Variants in RCSD1 observed in about 807,000 individuals in gnomAD.
RCSD1 encodes RCSD domain containing 1, also known as capZ-interacting protein.
A neutral mutation model predicts 42.5 loss-of-function variants in RCSD1; 26 were observed. The observed-to-expected ratio is 0.61, with a 90% CI of 0.45 to 0.85. The LOEUF is 0.85. Ranked by LOEUF, RCSD1 falls within the 40% of genes least tolerant of loss-of-function variation. The pLI is 0.00. For synonymous variants in RCSD1, 220 were observed against 212.2 expected, an observed-to-expected ratio of 1.04 and a Z score of -0.32; for missense variants, 571 against 528.3, an observed-to-expected ratio of 1.08 and a Z score of -0.79.
At chr1:167,646,601 G>T (rs1187490943) in intron 1 of RCSD1, among the ~76,000 whole-genome samples, 6 of 151,938 alleles carry the variant, frequency 3.9e-5, no homozygotes, top group Admixed American at 2.6e-4. Flanking sequence ...TGCCATGGTG[G>T]TTTGCTGCAT....
chr1:167,630,460 G>A, intron 1 of RCSD1, 31 bp downstream of exon 1: 2 of 1,521,994 alleles, frequency 1.3e-6, no homozygotes, highest in South Asian at 2.5e-5. Context: ...ACGCGGGGCT[G>A]AGCGGTGAGC....
chr1:167,658,248 A>T (rs1658464672), intron 1 of RCSD1, among the ~76,000 whole-genome samples: 1 of 152,230 alleles, frequency 6.6e-6, no homozygotes, highest in African/African-American at 2.4e-5. Flanking sequence ...TTACATTCAC[A>T]TAACTATATA....
At chr1:167,681,717 A>G (rs186614017) in intron 1 of RCSD1, among the ~76,000 whole-genome samples, 163 of 152,342 alleles carry the variant, frequency 1.1e-3, no homozygotes, top group Non-Finnish European at 1.0e-3. Flanking sequence ...AAGCATAAAT[A>G]GCAGGGGACA....
In RCSD1 at chr1:167,704,779, C is replaced by T. The variant is rs114533266; in HGVS notation, c.*83C>T. 4,710 of 1,393,468 alleles carry T rather than the reference C, an allele frequency of 3.4e-3. 118 individuals are homozygous for T. In the African/African-American group the frequency reaches 0.055, roughly 16 times the overall value. 86.3% of individuals were successfully genotyped at this position (1,393,468 alleles called of 1,614,324 possible). A position where few individuals can be genotyped will look rare whatever the true frequency, so the allele number is the denominator to read the frequency against. On this transcript the variant is annotated 3_prime_UTR_variant, in exon 7 of 7. Transcript: ENST00000367854. The stretch of plus-strand genomic sequence containing the variant: ...CAGCAACAGTTGTAGCAGCAGCAGA[C>T]GAAGCCATTGCAGAGGCAGAATATG...
At chr1:167,677,699 A>G (rs1427739558) in intron 1 of RCSD1, among the ~76,000 whole-genome samples, 1 of 152,208 alleles carries the variant, frequency 6.6e-6, no homozygotes, top group African/African-American at 2.4e-5. Flanking sequence ...GCATTTTTAT[A>G]TCAGAGGAAG....
chr1:167,667,267 A>C (rs1658683516), intron 1 of RCSD1, among the ~76,000 whole-genome samples: 4 of 152,138 alleles, frequency 2.6e-5, no homozygotes, highest in Admixed American at 2.6e-4. Context: ...GAGCCCTTGG[A>C]AGGGGCTTGG....
At chr1:167,693,070 G>A (rs545114598) in intron 4 of RCSD1, among the ~76,000 whole-genome samples, 1 of 152,324 alleles carries the variant, frequency 6.6e-6, no homozygotes, top group South Asian at 2.1e-4. Context: ...GCTATTAAGT[G>A]AAAGATCCAG....
rs1658184272 is a variant in RCSD1 at position 167,647,372 on chromosome 1, T to A, written c.6+16943T>A. Among the ~76,000 whole-genome samples the A allele has an allele frequency of 2.0e-5, 3 of 150,950 alleles. No homozygotes were observed. The South Asian group carries it at 6.3e-4, about 32-fold the overall frequency. On this transcript the variant is annotated intron_variant, in intron 1 of 6. Coordinates refer to ENST00000367854, the MANE Select transcript of RCSD1 (RefSeq NM_052862.4). ...GAAGGCTGAGGCAGGGTGGACTACT[T>A]GAGCCCAGGAGTTCAAGATCAGCCC...
intron 1 of RCSD1, among the ~76,000 whole-genome samples, chr1:167,637,817 C>T (rs1445943002): frequency 6.6e-6 from 1 of 152,108 alleles, no homozygotes; most frequent in East Asian, 1.9e-4. Flanking sequence ...ATTCCTTCCA[C>T]TATGGCCACA....
At chr1:167,662,974 T>A (rs138435104) in intron 1 of RCSD1, among the ~76,000 whole-genome samples, 1,548 of 152,312 alleles carry the variant, frequency 0.01, 28 homozygotes, top group African/African-American at 0.035. Flanking sequence ...GCCAGCAGCG[T>A]GGGTCTTAGG....
intron 1 of RCSD1, among the ~76,000 whole-genome samples, chr1:167,663,136 T>C (rs1658576507): frequency 6.6e-6 from 1 of 152,184 alleles, no homozygotes; most frequent in South Asian, 2.1e-4. Flanking sequence ...TCTTCCCTTC[T>C]AACTTTGCAG....
intron 1 of RCSD1, 57 bp downstream of exon 1, chr1:167,630,486 C>G: frequency 1.0e-5 from 15 of 1,485,330 alleles, no homozygotes; most frequent in Non-Finnish European, 1.3e-5. Flanking sequence ...ATCGGGCGCC[C>G]CTTCCCCGGG....
chr1:167,632,621 G>T (rs1406527998), intron 1 of RCSD1, among the ~76,000 whole-genome samples: 2 of 140,936 alleles, frequency 1.4e-5, no homozygotes, highest in Non-Finnish European at 3.1e-5. Context: ...CCGTGCTAGG[G>T]TTTGGGAGGG....
intron 1 of RCSD1, among the ~76,000 whole-genome samples, chr1:167,646,446 TA>T (rs10530984): frequency 0.18 from 24,754 of 136,230 alleles, 2,499 homozygotes; most frequent in Middle Eastern, 0.28. Flanking sequence ...AACACTTTTC[TA>T]AAAAAAAAAA....
intron 1 of RCSD1, among the ~76,000 whole-genome samples, chr1:167,681,726 C>T (rs1659086511): frequency 6.6e-6 from 1 of 152,166 alleles, no homozygotes; most frequent in African/African-American, 2.4e-5. Flanking sequence ...TAGCAGGGGA[C>T]AGAGAGACTG....
chr1:167,694,219 C>T lies in RCSD1; in HGVS notation c.391C>T (p.Arg131Ter), dbSNP rs1437953118. Residue 131 changes from arginine to a stop codon, truncating the protein, a stop_gained, in exon 5 of 7, where the codon CGA becomes TGA. Coordinates refer to ENST00000367854, the MANE Select transcript of RCSD1 (RefSeq NM_052862.4). LOFTEE classifies it high-confidence loss of function. The part of the protein sequence containing the change: ...PPSTPSSPGV[R>*]SRPSEAEEVP... ...TTCTACCCCCAGCAGCCCTGGTGTG[C>T]GATCTAGGCCCAGCGAGGCAGAGGA... The T allele has an allele frequency of 4.3e-6, 7 of 1,614,092 alleles. No individual in the cohort carries two copies. Among genetic ancestry groups the T allele is most frequent in the Non-Finnish European group, 5.9e-6 (7 of 1,180,046 alleles).
chr1:167,632,933 G>T (rs929306411), intron 1 of RCSD1, among the ~76,000 whole-genome samples: 2 of 152,274 alleles, frequency 1.3e-5, no homozygotes, highest in Middle Eastern at 3.4e-3. Flanking sequence ...TTGGATTTGG[G>T]GGTTTCTGAA....
rs2102188101 is a variant in RCSD1, at chr1:167,630,233, T to C, written c.-191T>C. 2 of 161,484 alleles carry C rather than the reference T, an allele frequency of 1.2e-5. No homozygotes were observed. The highest frequency in any genetic ancestry group is 1.2e-5 in the Non-Finnish European group (1 of 82,164). The allele number at this position is 161,484 out of a possible 1,614,324, so 10.0% of individuals were successfully genotyped here. ...CCTCCCTCCTCCTCCTTCCTCGTTC[T>C]CTCGCGCAGGGCCCCCGCGGCCGGG... On this transcript the variant is annotated 5_prime_UTR_variant, in exon 1 of 7. Transcript: ENST00000367854.
chr1:167,674,877 A>G (rs1034732548), intron 1 of RCSD1, among the ~76,000 whole-genome samples: 25 of 152,152 alleles, frequency 1.6e-4, no homozygotes, highest in African/African-American at 6.0e-4. Flanking sequence ...TTGTCAGTGA[A>G]TGGACATTGT....
Sources: allele counts gnomAD v4.1 joint callset (sites outside exome capture counted in the v4.1 genomes callset), GRCh38; gene constraint gnomAD v4.1.1; transcripts MANE v1.5; gene names NCBI Gene and HGNC (gene_info 2026-07-23, HGNC 2026-07-21).